The following PCDH15 variants were observed in gnomAD, a reference collection of about 807,000 sequenced individuals.
PCDH15 encodes protocadherin-15.
Under a neutral mutation model 178.5 loss-of-function variants are expected in PCDH15, and 129 were observed. That is an observed-to-expected ratio of 0.72 (90% confidence interval 0.63 to 0.84). PCDH15 has a LOEUF of 0.84. PCDH15 is among the 40% of genes least tolerant of loss of function. The pLI, the probability that PCDH15 is intolerant of heterozygous loss-of-function variation, is 0.00. For missense variants in PCDH15, 2,230 were observed against 2,099.9 expected (o/e 1.06, Z -1.21); for synonymous variants, 800 against 732.0 (o/e 1.09, Z -1.50).
chr10:55,496,489 AAC>A (rs1565196293), intron 2 of PCDH15, among the ~76,000 whole-genome samples: 2 of 151,920 alleles, frequency 1.3e-5, no homozygotes, highest in South Asian at 4.1e-4. Context: ...AACTAAATTT[AAC>A]ACACACACAG....
intron 2 of PCDH15, among the ~76,000 whole-genome samples, chr10:54,663,693 A>C (rs777425178): frequency 1.8e-3 from 75 of 42,448 alleles, no homozygotes; most frequent in East Asian, 9.6e-3. Context: ...TATTCTTCCC[A>C]AAAAAAAAAA....
intron 2 of PCDH15, among the ~76,000 whole-genome samples, chr10:54,637,576 T>C (rs1382830801): frequency 6.6e-6 from 1 of 152,054 alleles, no homozygotes; most frequent in African/African-American, 2.4e-5. Context: ...ACTTTGAGCT[T>C]ATCTGCTTTA....
intron 2 of PCDH15, among the ~76,000 whole-genome samples, chr10:54,951,516 A>G (rs1259353512): frequency 6.6e-6 from 1 of 151,938 alleles, no homozygotes; most frequent in East Asian, 1.9e-4. Flanking sequence ...TAAAGTTGCT[A>G]TAAACATTGT....
At chr10:55,101,016 T>G (rs1369026419) in intron 2 of PCDH15, among the ~76,000 whole-genome samples, 2 of 152,164 alleles carry the variant, frequency 1.3e-5, no homozygotes, top group Admixed American at 1.3e-4. Flanking sequence ...AATTGTTTAC[T>G]TTTTTTGCTA....
chr10:54,853,404 C>CATATATATAAACATACAT (rs1491147684), intron 3 of PCDH15, among the ~76,000 whole-genome samples: 1 of 89,810 alleles, frequency 1.1e-5, no homozygotes, highest in African/African-American at 3.6e-5. Flanking sequence ...TATACACACA[C>CATATATATAAACATACAT]ATATATATAC....
chr10:55,187,845 A>T (rs1440445095), intron 1 of PCDH15, among the ~76,000 whole-genome samples: 1 of 152,044 alleles, frequency 6.6e-6, no homozygotes, highest in Non-Finnish European at 1.5e-5. Flanking sequence ...TGGTAATTCC[A>T]GATGGAAAGT....
chr10:54,216,109 T>C (rs891641483), intron 9 of PCDH15, among the ~76,000 whole-genome samples: 6 of 138,674 alleles, frequency 4.3e-5, no homozygotes, highest in Non-Finnish European at 9.3e-5. Flanking sequence ...ATCCCGAATA[T>C]ATATATATAG....
chr10:54,495,873 C>T lies in PCDH15; in HGVS notation c.157+31939G>A, dbSNP rs994822897. The stretch of plus-strand genomic sequence containing the variant: ...TCAAGTCAGATTTTGCTTTCACACA[C>T]TCCACTGAATGTGCTCTCTTCTTAA... On this transcript the variant is annotated intron_variant, in intron 3 of 37. Transcript: ENST00000644397. Among the ~76,000 whole-genome samples, 4 of 152,158 alleles carry T rather than the reference C, an allele frequency of 2.6e-5. No homozygotes were observed. The East Asian group carries it at 5.8e-4, about 22-fold the overall frequency.
intron 1 of PCDH15, among the ~76,000 whole-genome samples, chr10:55,252,635 G>A (rs1841868986): frequency 6.6e-6 from 1 of 151,944 alleles, no homozygotes; most frequent in Non-Finnish European, 1.5e-5. Flanking sequence ...ACGTTGAGGA[G>A]TCTAAAATAT....
At chr10:54,604,281 CT>C (rs1479509149) in intron 2 of PCDH15, among the ~76,000 whole-genome samples, 1 of 151,822 alleles carries the variant, frequency 6.6e-6, no homozygotes, top group Admixed American at 6.6e-5. Flanking sequence ...CTGTAGATGT[CT>C]GTTAGGTTAA....
intron 3 of PCDH15, among the ~76,000 whole-genome samples, chr10:54,853,156 A>T (rs1386897676): frequency 6.6e-6 from 1 of 150,712 alleles, no homozygotes; most frequent in Non-Finnish European, 1.5e-5. Flanking sequence ...GCTACTTGGG[A>T]GGCTGAGGCA....
At chr10:54,701,466 A>G (rs1321825672) in intron 1 of PCDH15, among the ~76,000 whole-genome samples, 2 of 152,090 alleles carry the variant, frequency 1.3e-5, no homozygotes, top group Non-Finnish European at 2.9e-5. Flanking sequence ...ATTAACCTTG[A>G]ATGTAAATGA....
Position 54,830,176 on chromosome 10 carries a change from C to T in PCDH15, c.-29+67274G>A, listed in dbSNP as rs908507509. On this transcript the variant is annotated intron_variant, in intron 3 of 5. Coordinates refer to the PCDH15 transcript ENST00000458638. ...TCAACCATTGTGGAAGTCAATGTGG[C>T]GATTCCTCAGGGATCTAGAACTAGA... Among the ~76,000 whole-genome samples the T allele has an allele frequency of 2.6e-5, 4 of 152,206 alleles. 1 individual carries two copies. Among genetic ancestry groups the T allele is most frequent in the South Asian group, 4.1e-4 (2 of 4,828 alleles).
intron 18 of PCDH15, among the ~76,000 whole-genome samples, chr10:54,058,591 G>T (rs1462048408): frequency 6.6e-6 from 1 of 152,080 alleles, no homozygotes; most frequent in Non-Finnish European, 1.5e-5. Flanking sequence ...TTTGGGTGGG[G>T]ATACAACCAA....
chr10:54,718,287 G>A (rs183014077), intron 1 of PCDH15, among the ~76,000 whole-genome samples: 84 of 152,056 alleles, frequency 5.5e-4, no homozygotes, highest in African/African-American at 1.9e-3. Flanking sequence ...AAGAAAATGA[G>A]CTGACACAAG....
intron 2 of PCDH15, among the ~76,000 whole-genome samples, chr10:55,017,371 T>C (rs1840208862): frequency 6.6e-6 from 1 of 152,168 alleles, no homozygotes; most frequent in African/African-American, 2.4e-5. Flanking sequence ...GTATTATGTG[T>C]GTAAAATATA....
intron 15 of PCDH15, among the ~76,000 whole-genome samples, chr10:54,117,725 A>G (rs1410324710): frequency 6.6e-6 from 1 of 152,096 alleles, no homozygotes; most frequent in Non-Finnish European, 1.5e-5. Context: ...AGTGGAGAGG[A>G]GATCCACAGT....
intron 1 of PCDH15, among the ~76,000 whole-genome samples, chr10:54,702,490 T>C (rs2095318902): frequency 7.4e-6 from 1 of 134,322 alleles, no homozygotes; most frequent in Non-Finnish European, 1.6e-5. Context: ...AAGGTCTGAA[T>C]ATCCACAATC....
At chr10:54,264,695 C>A (rs1332026511) in intron 8 of PCDH15, among the ~76,000 whole-genome samples, 1 of 151,846 alleles carries the variant, frequency 6.6e-6, no homozygotes, top group East Asian at 1.9e-4. Context: ...TCAAATTAAC[C>A]CAGTCTTGCA....
Sources: allele counts gnomAD v4.1 joint callset (sites outside exome capture counted in the v4.1 genomes callset), GRCh38; gene constraint gnomAD v4.1.1; transcripts MANE v1.5; gene names NCBI Gene and HGNC (gene_info 2026-07-23, HGNC 2026-07-21).